Variants in SLC25A21 observed in about 807,000 individuals in gnomAD.
The protein encoded by SLC25A21 is mitochondrial 2-oxodicarboxylate carrier.
In SLC25A21, 47 loss-of-function variants were observed where a neutral mutation model predicts 43.8. That is an observed-to-expected ratio of 1.07 (90% CI 0.85 to 1.37). The LOEUF (loss-of-function observed/expected upper bound fraction) is 1.37. SLC25A21 is among the 40% of genes most tolerant of loss of function. The probability of loss-of-function intolerance (pLI) is 0.00; values close to 1 mark genes in which losing one functional copy is unlikely to be tolerated. For synonymous variants in SLC25A21, 131 were observed against 121.3 expected, an observed-to-expected ratio of 1.08 and a Z score of -0.52; for missense variants, 352 against 350.2, an observed-to-expected ratio of 1.00 and a Z score of -0.04.
chr14:36,773,179 C>T (rs376922402), intron 3 of SLC25A21, among the ~76,000 whole-genome samples: 54 of 133,564 alleles, frequency 4.0e-4, no homozygotes, highest in African/African-American at 1.3e-3. Flanking sequence ...TGACAGATTT[C>T]GAGAAGGAAA....
chr14:37,061,602 G>A (rs1278116442), intron 1 of SLC25A21, among the ~76,000 whole-genome samples: 1 of 151,714 alleles, frequency 6.6e-6, no homozygotes, highest in African/African-American at 2.4e-5. Context: ...AAATAATAGG[G>A]AAAGAGAAAA....
At chr14:37,137,226 T>C (rs1231958155) in intron 1 of SLC25A21, among the ~76,000 whole-genome samples, 1 of 152,092 alleles carries the variant, frequency 6.6e-6, no homozygotes, top group Admixed American at 6.5e-5. Context: ...CTCAATCTCC[T>C]GACCTCGTGA....
intron 1 of SLC25A21, among the ~76,000 whole-genome samples, chr14:37,045,776 C>G (rs1294659297): frequency 1.3e-5 from 2 of 152,184 alleles, no homozygotes; most frequent in Admixed American, 1.3e-4. Flanking sequence ...GATTGACTCA[C>G]TCCAGGGTTT....
chr14:36,904,538 G>A (rs537710343), intron 1 of SLC25A21, among the ~76,000 whole-genome samples: 11 of 152,224 alleles, frequency 7.2e-5, no homozygotes, highest in African/African-American at 2.6e-4. Context: ...GTATTAGTCT[G>A]TTCTCACACT....
At chr14:36,980,450 T>C (rs1959993398) in intron 1 of SLC25A21, among the ~76,000 whole-genome samples, 1 of 152,252 alleles carries the variant, frequency 6.6e-6, no homozygotes, top group Non-Finnish European at 1.5e-5. Context: ...CATTTCTTTT[T>C]ACTTTTTTCT....
intron 1 of SLC25A21, among the ~76,000 whole-genome samples, chr14:36,914,497 G>A (rs1350113975): frequency 1.3e-5 from 2 of 152,150 alleles, no homozygotes; most frequent in African/African-American, 4.8e-5. Context: ...ATTTCCAAGA[G>A]TCCATAGGGT....
chr14:36,848,684 A>T (rs1889625204), intron 2 of SLC25A21, among the ~76,000 whole-genome samples: 1 of 152,322 alleles, frequency 6.6e-6, no homozygotes, highest in Admixed American at 6.5e-5. Context: ...GGAAATTAAT[A>T]CTAGTCTTGT....
chr14:36,893,850 A>C (rs1891159573), intron 1 of SLC25A21, among the ~76,000 whole-genome samples: 1 of 152,148 alleles, frequency 6.6e-6, no homozygotes, highest in Non-Finnish European at 1.5e-5. Flanking sequence ...AGATGGTTGT[A>C]GATATGCAGC....
chr14:36,812,253 T>C (rs764847989), intron 3 of SLC25A21, among the ~76,000 whole-genome samples: 11 of 152,112 alleles, frequency 7.2e-5, no homozygotes, highest in Non-Finnish European at 1.0e-4. Context: ...CAGTGACAGA[T>C]ATATCAAATA....
At chr14:36,832,033 T>TA (rs1285314193) in intron 2 of SLC25A21, among the ~76,000 whole-genome samples, 1 of 152,154 alleles carries the variant, frequency 6.6e-6, no homozygotes, top group East Asian at 1.9e-4. Context: ...GTTAGTTTGA[T>TA]AAAAGTGAAA....
intron 1 of SLC25A21, among the ~76,000 whole-genome samples, chr14:37,128,042 A>C (rs1244000353): frequency 6.6e-6 from 1 of 152,226 alleles, no homozygotes; most frequent in East Asian, 1.9e-4. Context: ...GTGTTTAGAC[A>C]ACTGGAAGGT....
chr14:36,774,680 C>T lies in SLC25A21; in HGVS notation c.203+39238G>A, dbSNP rs369441049. Among the ~76,000 whole-genome samples the T allele has an allele frequency of 4.6e-5, 7 of 152,224 alleles. 1 individual carries two copies. In the South Asian group the frequency reaches 1.5e-3, roughly 32 times the overall value. ...TCTCCTGGGCTCAAGGATCCTCCCC[C>T]TCAGCCTCCTGAGTAGCTGGGATGA... On this transcript the variant is annotated intron_variant, in intron 3 of 9. Transcript: ENST00000331299.
intron 3 of SLC25A21, among the ~76,000 whole-genome samples, chr14:36,757,320 C>T (rs1885973618): frequency 6.6e-6 from 1 of 152,056 alleles, no homozygotes; most frequent in East Asian, 1.9e-4. Context: ...ATATAAAGTA[C>T]AAACTCACTA....
intron 3 of SLC25A21, among the ~76,000 whole-genome samples, chr14:36,796,467 T>G (rs1360176761): frequency 6.6e-6 from 1 of 152,002 alleles, no homozygotes; most frequent in Admixed American, 6.6e-5. Flanking sequence ...AGTTGAACAT[T>G]TTAATATAGT....
At chr14:36,883,445 C>T (rs960573178) in intron 1 of SLC25A21, among the ~76,000 whole-genome samples, 28 of 152,204 alleles carry the variant, frequency 1.8e-4, no homozygotes, top group African/African-American at 6.5e-4. Flanking sequence ...TAAATGTCTT[C>T]ACGCTGCTCT....
At chr14:37,141,364 C>T (rs1245586901) in intron 1 of SLC25A21, among the ~76,000 whole-genome samples, 1 of 152,060 alleles carries the variant, frequency 6.6e-6, no homozygotes, top group African/African-American at 2.4e-5. Context: ...CCAGTGTTTT[C>T]CTCAACACAT....
chr14:36,989,702 C>T (rs1436829719), intron 1 of SLC25A21, among the ~76,000 whole-genome samples: 2 of 152,016 alleles, frequency 1.3e-5, no homozygotes, highest in Non-Finnish European at 2.9e-5. Flanking sequence ...CCTAAAATAT[C>T]GCTTAACGGC....
chr14:37,141,611 T>A (rs1025088987), intron 1 of SLC25A21, among the ~76,000 whole-genome samples: 2 of 152,246 alleles, frequency 1.3e-5, no homozygotes, highest in Admixed American at 6.5e-5. Flanking sequence ...TATTTTATCA[T>A]TTTCCATCTT....
intron 6 of SLC25A21, 72 bp from the exon 7 acceptor site, chr14:36,711,554 C>T: frequency 6.7e-7 from 1 of 1,489,250 alleles, no homozygotes; most frequent in Non-Finnish European, 9.0e-7. Context: ...ACCGTATTAA[C>T]TTCCCTTCAA....
Sources: allele counts gnomAD v4.1 joint callset (sites outside exome capture counted in the v4.1 genomes callset), GRCh38; gene constraint gnomAD v4.1.1; transcripts MANE v1.5; gene names NCBI Gene and HGNC (gene_info 2026-07-23, HGNC 2026-07-21).